Variants in HIPK2 observed in about 807,000 individuals in gnomAD.
The protein encoded by HIPK2 is homeodomain interacting protein kinase 2.
A neutral mutation model predicts 113.7 loss-of-function variants in HIPK2; 27 were observed. The observed-to-expected ratio is 0.24, with a 90% CI of 0.17 to 0.33. The LOEUF is 0.33. Ranked by LOEUF, HIPK2 falls within the 10% of genes least tolerant of loss-of-function variation. The pLI, the probability that HIPK2 is intolerant of heterozygous loss-of-function variation, is 1.00. For missense variants in HIPK2, 1,257 were observed against 1,588.0 expected (o/e 0.79, Z 3.54); for synonymous variants, 631 against 642.2 (o/e 0.98, Z 0.26).
chr7:139,633,095 C>CAAAAAAAAAAAAAAAAAAAAAAAA (rs942820284), intron 2 of HIPK2, among the ~76,000 whole-genome samples: 2 of 74,610 alleles, frequency 2.7e-5, no homozygotes, highest in African/African-American at 9.0e-5. Flanking sequence ...GACCCTGTCT[C>CAAAAAAAAAAAAAAAAAAAAAAAA]AAAAAAAAAA....
At chr7:139,582,530 A>T (rs539207517) in intron 13 of HIPK2, among the ~76,000 whole-genome samples, 18 of 152,364 alleles carry the variant, frequency 1.2e-4, no homozygotes, top group Non-Finnish European at 2.2e-4. Flanking sequence ...GACTTGCAAA[A>T]GGAGACGTTT....
At chr7:139,649,589 GTGGTT>G (rs1039665371) in intron 2 of HIPK2, among the ~76,000 whole-genome samples, 3 of 152,040 alleles carry the variant, frequency 2.0e-5, no homozygotes, top group Non-Finnish European at 2.9e-5. Flanking sequence ...ATTCGGGGGG[GTGGTT>G]TGGAAAGTGG....
At chr7:139,634,781 G>A (rs1012593243) in intron 2 of HIPK2, among the ~76,000 whole-genome samples, 1 of 149,374 alleles carries the variant, frequency 6.7e-6, no homozygotes, top group African/African-American at 2.5e-5. Context: ...GGGTTCAAGC[G>A]ATTCTCGTGC....
At position 139,626,714 on chromosome 7, in the gene HIPK2, G is replaced by T; in HGVS notation, c.1506C>A (p.Asp502Glu). The T allele has an allele frequency of 1.9e-6, 3 of 1,613,918 alleles. No homozygotes were observed. Among genetic ancestry groups the T allele is most frequent in the South Asian group, 2.2e-5 (2 of 91,072 alleles). The change falls in exon 6 of 15, where the codon GAC (aspartate) becomes GAA (glutamate). Residue 502 changes from aspartate (D) to glutamate (E), a missense_variant. Coordinates refer to ENST00000406875, the MANE Select transcript of HIPK2 (RefSeq NM_022740.5). ...CAATGGTCAGCATCTTCTTCAACAG[G>T]TCAATGAACTCCCGCCGGTCAGCCT... ...VEKADRREFI[D>E]LLKKMLTIDA...
Position 139,777,736 on chromosome 7 carries a change from G to T in HIPK2, c.-113C>A. Reference sequence around the variant, plus strand: ...ATCTTGAGCCTGTGTCTCCGCTCTCGGCGCAGCCGAGGCCGCCCGCGCCCG... The same window carrying T: ...ATCTTGAGCCTGTGTCTCCGCTCTCTGCGCAGCCGAGGCCGCCCGCGCCCG... On this transcript the variant is annotated 5_prime_UTR_variant, in exon 1 of 15. Transcript: ENST00000406875. The T allele has an allele frequency of 2.0e-6, 2 of 1,001,686 alleles. No homozygotes were observed. Among genetic ancestry groups the T allele is most frequent in the East Asian group, 7.3e-5 (1 of 13,666 alleles). The allele number at this position is 1,001,686 out of a possible 1,614,324, so 62.0% of individuals were successfully genotyped here. A position where few individuals can be genotyped will look rare whatever the true frequency, so the allele number is the denominator to read the frequency against.
At position 139,683,987 on chromosome 7, in the gene HIPK2, G is replaced by T. The variant is rs1794141873; in HGVS notation, c.1103+31945C>A. Reference sequence around the variant, plus strand: ...TTTTTTTTACACAAATTGAAGGTTTGTGGCAACCGTGCATCGAGCCGGTCT... The same window carrying T: ...TTTTTTTTACACAAATTGAAGGTTTTTGGCAACCGTGCATCGAGCCGGTCT... On this transcript the variant is annotated intron_variant, in intron 2 of 14. Coordinates refer to ENST00000406875, the MANE Select transcript of HIPK2 (RefSeq NM_022740.5). This position sits in a 1 kb window ranked among gnomAD's most constrained non-coding sequence, Gnocchi z 4.2. Among the ~76,000 whole-genome samples, 3 of 150,622 alleles carry T rather than the reference G, an allele frequency of 2.0e-5. No homozygotes were observed. Among genetic ancestry groups the T allele is most frequent in the African/African-American group, 7.3e-5 (3 of 40,906 alleles).
At position 139,571,581 on chromosome 7, in the gene HIPK2, C is replaced by T. The variant is rs1307322398; in HGVS notation, c.*1346G>A. On this transcript the variant is annotated 3_prime_UTR_variant, in exon 15 of 15. Transcript: ENST00000406875. ...GAGATCCACGGACTCTCTCCTAGCT[C>T]CTGCTGGCTTCCCTGGCATCCTTCC... 1 of 152,188 alleles carries T rather than the reference C, an allele frequency of 6.6e-6. No individual in the cohort carries two copies. Among genetic ancestry groups the T allele is most frequent in the African/African-American group, 2.4e-5 (1 of 41,434 alleles). 9.4% of individuals were successfully genotyped at this position (152,188 alleles called of 1,614,324 possible).
intron 2 of HIPK2, among the ~76,000 whole-genome samples, chr7:139,665,039 CTTTT>C (rs369543607): frequency 7.7e-6 from 1 of 129,662 alleles, no homozygotes; most frequent in African/African-American, 2.8e-5. Flanking sequence ...CTTTCTCTCT[CTTTT>C]TTTTTTTTTT....
chr7:139,731,833 G>C (rs1795792172), intron 1 of HIPK2, among the ~76,000 whole-genome samples: 1 of 152,138 alleles, frequency 6.6e-6, no homozygotes, highest in Non-Finnish European at 1.5e-5. Flanking sequence ...GGAGCTCCAT[G>C]TTACAACTGT....
intron 9 of HIPK2, among the ~76,000 whole-genome samples, chr7:139,604,658 T>C (rs1799557036): frequency 8.4e-6 from 1 of 119,536 alleles, no homozygotes; most frequent in African/African-American, 3.3e-5. Flanking sequence ...CACTCCAGCC[T>C]GGGCGACAGA....
Position 139,614,305 on chromosome 7 carries a change from C to T in HIPK2, c.1971G>A (p.Val657=), listed in dbSNP as rs1799943598. ...RPDPFQQALI[V]CPPGFQGLQA... is the part of the protein sequence containing the mutation. ...TCTTACCTTGGAAGCCGGGGGGACA[C>T]ACGATGAGAGCTTGCTGGAACGGGT... The change falls in exon 8 of 15, where the codon GTG becomes GTA. Residue 657 remains valine (V), a synonymous_variant. Coordinates refer to ENST00000406875, the MANE Select transcript of HIPK2 (RefSeq NM_022740.5). 6.5e-7 allele frequency: 1 copy of T among 1,529,316 alleles called. No homozygotes were observed. Among genetic ancestry groups the T allele is most frequent in the Non-Finnish European group, 8.9e-7 (1 of 1,126,216 alleles). The allele number at this position is 1,529,316 out of a possible 1,614,324, so 94.7% of individuals were successfully genotyped here. A position where few individuals can be genotyped will look rare whatever the true frequency, so the allele number is the denominator to read the frequency against.
intron 2 of HIPK2, among the ~76,000 whole-genome samples, chr7:139,673,456 CCT>C (rs946156599): frequency 1.4e-4 from 21 of 152,294 alleles, no homozygotes; most frequent in African/African-American, 3.6e-4. Flanking sequence ...CCCCCAACCT[CCT>C]CTCTGATCAG....
At chr7:139,723,447 G>A (rs968634618) in intron 1 of HIPK2, among the ~76,000 whole-genome samples, 2 of 152,092 alleles carry the variant, frequency 1.3e-5, no homozygotes, top group African/African-American at 4.8e-5. Context: ...ACCTGCCTCG[G>A]CTTCCCAAAG....
chr7:139,747,246 G>A (rs150057522), intron 1 of HIPK2, among the ~76,000 whole-genome samples: 28 of 152,312 alleles, frequency 1.8e-4, no homozygotes, highest in Admixed American at 1.4e-3. Flanking sequence ...TGTGAAGAAC[G>A]CAGAGGTGGC....
intron 1 of HIPK2, among the ~76,000 whole-genome samples, chr7:139,719,425 G>A (rs183868311): frequency 1.3e-3 from 193 of 152,096 alleles, no homozygotes; most frequent in Non-Finnish European, 1.2e-3. Context: ...TTCAAATGTT[G>A]GCATTTCCAC....
intron 12 of HIPK2, among the ~76,000 whole-genome samples, chr7:139,586,290 T>C (rs1448236344): frequency 1.3e-5 from 2 of 152,216 alleles, no homozygotes; most frequent in African/African-American, 4.8e-5. Flanking sequence ...AGAGTTACCC[T>C]ATAGCAATTC....
At position 139,568,020 on chromosome 7, in the gene HIPK2, C is replaced by A; in HGVS notation, c.*4907G>T. Reference sequence around the variant, plus strand: ...CTCCAGTTTCCAAGAAAGTTTGTTCCACTCACTCACACATGCTCACACGGC... The same window carrying A: ...CTCCAGTTTCCAAGAAAGTTTGTTCAACTCACTCACACATGCTCACACGGC... On this transcript the variant is annotated 3_prime_UTR_variant, in exon 15 of 15. Transcript: ENST00000406875. The A allele has an allele frequency of 6.6e-6, 1 of 152,514 alleles. No homozygotes were observed. The allele number at this position is 152,514 out of a possible 1,614,324, so 9.4% of individuals were successfully genotyped here. A position where few individuals can be genotyped will look rare whatever the true frequency, so the allele number is the denominator to read the frequency against.
rs754209780 is a variant in HIPK2 at position 139,631,678 on chromosome 7, A to G, written c.1151T>C (p.Met384Thr). 10 of 1,613,914 alleles carry G rather than the reference A, an allele frequency of 6.2e-6. No homozygotes were observed. Among genetic ancestry groups the G allele is most frequent in the Non-Finnish European group, 7.6e-6 (9 of 1,179,882 alleles). ...LGLPFCEAID[M>T]WSLGCVIAEL... ...TGCAATAACACAGCCCAGGGACCAC[A>G]TGTCAATTGCCTCACAAAATGGTAA... The change falls in exon 3 of 15, where the codon ATG (methionine) becomes ACG (threonine). Residue 384 changes from methionine (M) to threonine (T), a missense_variant. Met to Thr is a moderately conservative substitution (Grantham distance 81). This residue lies in a region of HIPK2 where 84 missense variants were observed against 182.2 expected (regional missense o/e 0.46). Transcript: ENST00000406875. The surrounding 1 kb of genome is among the most constrained non-coding windows in gnomAD (Gnocchi z 4.9).
intron 2 of HIPK2, among the ~76,000 whole-genome samples, chr7:139,646,409 A>G (rs1801225882): frequency 1.3e-5 from 2 of 150,394 alleles, no homozygotes; most frequent in South Asian, 4.3e-4. Context: ...CTGAGGTAAG[A>G]GGATGGCATA....
Sources: allele counts gnomAD v4.1 joint callset (sites outside exome capture counted in the v4.1 genomes callset), GRCh38; gene constraint gnomAD v4.1.1; regional missense constraint gnomAD v4.1.1; non-coding constraint Gnocchi (gnomAD v3.1); transcripts MANE v1.5; gene names NCBI Gene and HGNC (gene_info 2026-07-23, HGNC 2026-07-21).